Variants in MERTK observed in about 807,000 individuals in gnomAD.
MERTK encodes the protein tyrosine-protein kinase Mer.
A neutral mutation model predicts 99.3 loss-of-function variants in MERTK; 69 were observed. The observed-to-expected ratio is 0.70, with a 90% CI of 0.57 to 0.85. The LOEUF is 0.85. MERTK is among the 40% of genes least tolerant of loss of function. The pLI is 0.00. For synonymous variants in MERTK, 426 were observed against 467.6 expected, an observed-to-expected ratio of 0.91 and a Z score of 1.15; for missense variants, 1,125 against 1,249.4, an observed-to-expected ratio of 0.90 and a Z score of 1.50.
At chr2:112,016,577 G>A (rs1323651852) in intron 15 of MERTK, among the ~76,000 whole-genome samples, 1 of 152,176 alleles carries the variant, frequency 6.6e-6, no homozygotes, top group South Asian at 2.1e-4. Flanking sequence ...GGAGGGCTAG[G>A]GTGCTGGACC....
chr2:112,023,287 G>C (rs984971998), intron 18 of MERTK, among the ~76,000 whole-genome samples: 1 of 152,124 alleles, frequency 6.6e-6, no homozygotes, highest in Admixed American at 6.5e-5. Context: ...GGTGGCGGGC[G>C]CCTGTAGTCC....
intron 10 of MERTK, among the ~76,000 whole-genome samples, chr2:111,997,906 G>T (rs1676786031): frequency 6.6e-6 from 1 of 152,196 alleles, no homozygotes; most frequent in African/African-American, 2.4e-5. Flanking sequence ...ACAAAAATTA[G>T]CTGGGCATGA....
intron 13 of MERTK, among the ~76,000 whole-genome samples, chr2:112,007,814 C>A (rs1677015768): frequency 6.6e-6 from 1 of 151,642 alleles, no homozygotes; most frequent in African/African-American, 2.4e-5. Flanking sequence ...AATATAATTG[C>A]AACAGATCAG....
At chr2:112,020,604 C>T (rs1275224202) in intron 16 of MERTK, 3 of 471,000 alleles carry the variant, frequency 6.4e-6, no homozygotes, top group East Asian at 6.9e-5. Context: ...ATTCCTCAAG[C>T]ACCCACCTGG....
intron 6 of MERTK, among the ~76,000 whole-genome samples, chr2:111,970,278 A>G (rs1676078149): frequency 6.7e-6 from 1 of 149,072 alleles, no homozygotes; most frequent in Non-Finnish European, 1.5e-5. Flanking sequence ...TGCCTCACCC[A>G]CCCGAGTAGC....
chr2:111,969,499 C>T (rs543914451), intron 6 of MERTK, among the ~76,000 whole-genome samples: 1 of 152,296 alleles, frequency 6.6e-6, no homozygotes, highest in South Asian at 2.1e-4. Flanking sequence ...TAACCTGACA[C>T]AGGCCAGTCA....
In MERTK at chr2:112,001,295, A is replaced by G; in HGVS notation, c.1690+9A>G. On this transcript the variant is annotated intron_variant, in intron 11 of 18. Transcript: ENST00000295408. ...AGCCATTGAACTTACCTGTAAGTTGACTTTCATTTCCCTTTTTGGCAAAAG... is the reference window on the plus strand; with the variant it reads ...AGCCATTGAACTTACCTGTAAGTTGGCTTTCATTTCCCTTTTTGGCAAAAG... 6.2e-7 allele frequency: 1 copy of G among 1,605,500 alleles called. No individual in the cohort carries two copies. Among genetic ancestry groups the G allele is most frequent in the Non-Finnish European group, 8.5e-7 (1 of 1,172,122 alleles).
intron 2 of MERTK, among the ~76,000 whole-genome samples, chr2:111,944,451 A>T (rs2104701712): frequency 0.033 from 2 of 60 alleles, no homozygotes; most frequent in Admixed American, 0.1. Flanking sequence ...AATTTTCCTT[A>T]GTTCCTTAAA....
rs540264082 is a variant in MERTK at position 111,933,727 on chromosome 2, T to C, written c.482+4187T>C. Among the ~76,000 whole-genome samples the C allele has an allele frequency of 3.4e-3, 518 of 152,290 alleles. 3 individuals carry two copies. Among genetic ancestry groups the C allele is most frequent in the Admixed American group, 6.1e-3 (94 of 15,304 alleles). ...AGAGACTGACCCTGTGTTTTATCTT[T>C]CTTTTCATTATACTTTAAGTTCTGG... On this transcript the variant is annotated intron_variant, in intron 2 of 18. Transcript: ENST00000295408.
At chr2:111,945,504 G>A (rs1195611551) in intron 3 of MERTK, among the ~76,000 whole-genome samples, 1 of 152,212 alleles carries the variant, frequency 6.6e-6, no homozygotes, top group African/African-American at 2.4e-5. Context: ...TGGAGGGTGA[G>A]TGGTTTTCCT....
chr2:111,950,816 T>C (rs985747377), intron 4 of MERTK, among the ~76,000 whole-genome samples: 10 of 152,226 alleles, frequency 6.6e-5, no homozygotes, highest in African/African-American at 2.4e-4. Context: ...CCTGCTGTGA[T>C]TTTGTCTGCA....
chr2:112,013,087 C>A (rs187457048), intron 15 of MERTK, among the ~76,000 whole-genome samples: 37 of 152,098 alleles, frequency 2.4e-4, no homozygotes, highest in African/African-American at 8.7e-4. Flanking sequence ...GTGATCAGGA[C>A]AGGAGAGTGG....
rs1231431335 is a variant in MERTK, at chr2:111,948,034, A to C, written c.757+467A>C. On this transcript the variant is annotated intron_variant, in intron 4 of 18. Transcript: ENST00000295408. The stretch of plus-strand genomic sequence containing the variant: ...ACATTCCATGGTCGTCTTGATTTCC[A>C]TCCAAATGAAAGTGGCCCAGTTTTA... Among the ~76,000 whole-genome samples the C allele has an allele frequency of 1.3e-5, 2 of 152,002 alleles. 1 individual carries two copies. The highest frequency in any genetic ancestry group is 1.3e-4 in the Admixed American group (2 of 15,258).
At chr2:111,961,659 G>A (rs1385083900) in intron 4 of MERTK, among the ~76,000 whole-genome samples, 2 of 152,160 alleles carry the variant, frequency 1.3e-5, no homozygotes, top group Admixed American at 6.5e-5. Flanking sequence ...TTTTCCCTGA[G>A]GGACCCGTGT....
intron 4 of MERTK, among the ~76,000 whole-genome samples, chr2:111,963,609 C>A (rs1480915302): frequency 1.3e-5 from 2 of 152,228 alleles, no homozygotes; most frequent in African/African-American, 2.4e-5. Flanking sequence ...CAAAGCACAT[C>A]TTGCACAGCC....
chr2:111,929,033 T>A (rs1246841904), intron 1 of MERTK, 87 bp from the exon 2 acceptor site: 1 of 1,398,142 alleles, frequency 7.2e-7, no homozygotes, highest in East Asian at 2.3e-5. Flanking sequence ...ACCCCAGTGC[T>A]CTCTCTTCTT....
intron 13 of MERTK, among the ~76,000 whole-genome samples, chr2:112,006,725 C>T (rs1676986355): frequency 2.0e-5 from 3 of 152,178 alleles, no homozygotes; most frequent in Admixed American, 2.0e-4. Context: ...CTACATTTAC[C>T]TGCAGGTTGG....
At chr2:111,978,329 A>G (rs1249907222) in intron 7 of MERTK, among the ~76,000 whole-genome samples, 1 of 151,684 alleles carries the variant, frequency 6.6e-6, no homozygotes, top group Non-Finnish European at 1.5e-5. Context: ...TTGTATTTTT[A>G]GTAGAGATGG....
At chr2:111,941,338 A>G (rs1558780253) in intron 2 of MERTK, among the ~76,000 whole-genome samples, 1 of 152,116 alleles carries the variant, frequency 6.6e-6, no homozygotes, top group Non-Finnish European at 1.5e-5. Flanking sequence ...ACCTCATCTT[A>G]GAGTTGTAAC....
Sources: allele counts gnomAD v4.1 joint callset (sites outside exome capture counted in the v4.1 genomes callset), GRCh38; gene constraint gnomAD v4.1.1; transcripts MANE v1.5; gene names NCBI Gene and HGNC (gene_info 2026-07-23, HGNC 2026-07-21).